CD63: variants seen among roughly 807,000 people sequenced by gnomAD.
CD63 encodes CD63 molecule, also known as CD63 antigen.
CD63 carries 16 observed loss-of-function variants against 29.2 expected under a neutral mutation model. That is an observed-to-expected ratio of 0.55 (90% CI 0.37 to 0.83). The LOEUF (loss-of-function observed/expected upper bound fraction) is 0.83, where lower values mean the gene tolerates loss of function less well. Ranked by LOEUF, CD63 falls within the 40% of genes least tolerant of loss-of-function variation. The pLI is 0.00. For synonymous variants in CD63, 118 were observed against 111.7 expected (o/e 1.06, Z -0.36); for missense variants, 251 against 297.3 (o/e 0.84, Z 1.15).
chr12:55,726,646 T>C (rs765068542), intron 5 of CD63, 54 bp downstream of exon 5: 1 of 1,395,900 alleles, frequency 7.2e-7, no homozygotes, highest in Non-Finnish European at 1.0e-6. Flanking sequence ...CACCCAGCCT[T>C]GGAGATGAGA....
downstream of CD63, chr12:55,724,353 G>C (rs749836133): frequency 1.2e-6 from 2 of 1,614,192 alleles, no homozygotes; most frequent in Admixed American, 1.7e-5. Context: ...TCATGAACCT[G>C]ATCTGTGACC....
downstream of CD63, chr12:55,724,513 G>A: frequency 1.2e-6 from 2 of 1,612,838 alleles, no homozygotes; most frequent in South Asian, 1.1e-5. Flanking sequence ...GCTCACCTGG[G>A]TCCTTCCCAA....
chr12:55,725,545 T>C lies in CD63; in HGVS notation c.*16A>G. ...ATTCCACTCCCCCAGATGAGGAGGC[T>C]GAGGAGACCAGACCCCTACATCACC... is the stretch of plus-strand genomic sequence containing the variant. On this transcript the variant is annotated 3_prime_UTR_variant, in exon 8 of 8. Coordinates refer to ENST00000257857, the MANE Select transcript of CD63 (RefSeq NM_001780.6). 1 of 1,605,642 alleles carries C rather than the reference T, an allele frequency of 6.2e-7. No individual in the cohort carries two copies. The highest frequency in any genetic ancestry group is 8.5e-7 in the Non-Finnish European group (1 of 1,172,292).
downstream of CD63, among the ~76,000 whole-genome samples, chr12:55,724,939 C>G (rs1473589447): frequency 1.3e-5 from 2 of 152,146 alleles, no homozygotes; most frequent in African/African-American, 4.8e-5. Context: ...CTTCATATTT[C>G]TTGGGGGAGA....
At chr12:55,724,077 C>T (rs1373210799), downstream of CD63, 7 of 1,600,498 alleles carry the variant, frequency 4.4e-6, no homozygotes, top group Non-Finnish European at 6.0e-6. Context: ...CACAGGGGCA[C>T]ATGAAGGGAA....
In CD63 at chr12:55,728,611, T is replaced by A; in HGVS notation, c.-11-259A>T. The A allele has an allele frequency of 2.2e-6, 3 of 1,339,486 alleles. No homozygotes were observed. The highest frequency in any genetic ancestry group is 3.1e-5 in the East Asian group (1 of 31,896). 83.0% of individuals were successfully genotyped at this position (1,339,486 alleles called of 1,614,324 possible). A position where few individuals can be genotyped will look rare whatever the true frequency, so the allele number is the denominator to read the frequency against. ...AGATCCAAGGGCGCCGGCAGGGGCT[T>A]GAGCCTGACGCCGACCCTCGGCCCG... On this transcript the variant is annotated intron_variant, in intron 1 of 7. Coordinates refer to ENST00000257857, the MANE Select transcript of CD63 (RefSeq NM_001780.6). This position sits in a 1 kb window ranked among gnomAD's most constrained non-coding sequence, Gnocchi z 4.8.
In CD63 at chr12:55,726,926, C is replaced by A. The variant is rs1877453499; in HGVS notation, c.294G>T (p.Val98=). The A allele has an allele frequency of 6.2e-7, 1 of 1,614,130 alleles. No individual in the cohort carries two copies. Among genetic ancestry groups the A allele is most frequent in the South Asian group, 1.1e-5 (1 of 91,066 alleles). Reference sequence around the variant, plus strand: ...ACACATAGCCAGCAATGGCTGCGGCCACCTCCACCAACATGATAAGAGACA... The same window carrying A: ...ACACATAGCCAGCAATGGCTGCGGCAACCTCCACCAACATGATAAGAGACA... ...IFLSLIMLVE[V]AAAIAGYVFR... Residue 98 remains valine, a synonymous_variant, in exon 4 of 8, where the codon GTG becomes GTT. Transcript: ENST00000257857.
rs747923986 is a variant in CD63, at chr12:55,725,603, G to A, written c.675C>T (p.Cys225=). 5.6e-6 allele frequency: 9 copies of A among 1,613,960 alleles called. No homozygotes were observed. Among genetic ancestry groups the A allele is most frequent in the Non-Finnish European group, 7.6e-6 (9 of 1,180,004 alleles). The change falls in exon 8 of 8, where the codon TGC becomes TGT. Residue 225 remains cysteine (C), a synonymous_variant. Coordinates refer to ENST00000257857, the MANE Select transcript of CD63 (RefSeq NM_001780.6). ...CACTTCTGATACTCTTCACGAGGCA[G>A]CAGGCAAAGACAATTCCCAAAACCT... ...FVEVLGIVFA[C]CLVKSIRSGY... is the part of the protein sequence containing the mutation.
In CD63 at chr12:55,728,348, C is replaced by T. The variant is rs746630107; in HGVS notation, c.-7G>A. 1.2e-6 allele frequency: 2 copies of T among 1,609,368 alleles called. No homozygotes were observed. Among genetic ancestry groups the T allele is most frequent in the Non-Finnish European group, 1.7e-6 (2 of 1,178,602 alleles). ...TTCCTCCTTCCACCGCCATGGCTGC[C>T]GGGCCTGGGGCAGAGGGGAGGGCGG... On this transcript the variant is annotated 5_prime_UTR_variant, in exon 2 of 8. Transcript: ENST00000257857. The surrounding 1 kb of genome is among the most constrained non-coding windows in gnomAD (Gnocchi z 4.8).
At position 55,727,256 on chromosome 12, in the gene CD63, G is replaced by A. The variant is rs764328479; in HGVS notation, c.150C>T (p.Gly50=). 2 of 1,613,770 alleles carry A rather than the reference G, an allele frequency of 1.2e-6. No homozygotes were observed. The highest frequency in any genetic ancestry group is 3.3e-5 in the Admixed American group (2 of 60,002). ...CGATGATGACCACTGGCAACAGAGA[G>A]CCAGGGGTAGCCCCCTGGATTATGG... ...SQTIIQGATP[G]SLLPVVIIAV... Residue 50 remains glycine (G), a synonymous_variant, in exon 3 of 8, where the codon GGC becomes GGT. Transcript: ENST00000257857.
chr12:55,729,059 G>A, upstream of CD63: 1 of 985,412 alleles, frequency 1.0e-6, no homozygotes, highest in Non-Finnish European at 1.2e-6. Context: ...CCCGCCCCGG[G>A]CTCCAGCCAC....
At chr12:55,727,960 C>A in intron 2 of CD63, 1 of 1,216,070 alleles carries the variant, frequency 8.2e-7, no homozygotes, top group Non-Finnish European at 1.0e-6. Context: ...GAAGGGAAGC[C>A]CCATGGCGAT....
In CD63 at chr12:55,727,174, C is replaced by T. The variant is rs1226381678; in HGVS notation, c.232G>A (p.Glu78Lys). The change falls in exon 3 of 8, where the codon GAG becomes AAG. Residue 78 changes from glutamate to lysine, a missense_variant. Physicochemically the swap from Glu to Lys is moderately conservative, Grantham distance 56 (BLOSUM62 1). Transcript: ENST00000257857. ...ACCGTGATCATAAGACAATAGTTCT[C>T]CTTGCAGGCCCCGCAGCAGCCCACA... ...AFVGCCGACKENYCLMITFAI... is the reference protein window; with the variant it reads ...AFVGCCGACKKNYCLMITFAI... 3.1e-6 allele frequency: 5 copies of T among 1,613,592 alleles called. No homozygotes were observed. Among genetic ancestry groups the T allele is most frequent in the Non-Finnish European group, 3.4e-6 (4 of 1,179,924 alleles).
chr12:55,724,456 C>G (rs747289354), downstream of CD63: 1 of 1,614,080 alleles, frequency 6.2e-7, no homozygotes, highest in Non-Finnish European at 8.5e-7. Context: ...TGCCAAGCTG[C>G]TCTGGCTGCC....
In CD63 at chr12:55,725,609, A is replaced by C; in HGVS notation, c.669T>G (p.Phe223Leu). The C allele has an allele frequency of 3.1e-6, 5 of 1,614,130 alleles. No homozygotes were observed. The highest frequency in any genetic ancestry group is 4.2e-6 in the Non-Finnish European group (5 of 1,180,004). ...IAFVEVLGIV[F>L]ACCLVKSIRS... is the part of the protein sequence containing the mutation. ...TGATACTCTTCACGAGGCAGCAGGC[A>C]AAGACAATTCCCAAAACCTAGAAGG... Residue 223 changes from phenylalanine to leucine, a missense_variant, in exon 8 of 8, where the codon TTT (phenylalanine) becomes TTG (leucine). Physicochemically the swap from Phe to Leu is conservative, Grantham distance 22 (BLOSUM62 0). Transcript: ENST00000257857.
chr12:55,729,178 C>G, upstream of CD63: 2 of 976,604 alleles, frequency 2.0e-6, no homozygotes, highest in Non-Finnish European at 2.4e-6. Context: ...CCCGCCCGGC[C>G]AGGGCCACGT....
At chr12:55,727,834 CAA>C in intron 2 of CD63, 2 of 1,041,276 alleles carry the variant, frequency 1.9e-6, no homozygotes, top group Non-Finnish European at 2.3e-6. Flanking sequence ...AGGGCAGGAG[CAA>C]ATTGAAGTGG....
chr12:55,725,985 C>A, intron 6 of CD63, 89 bp from the exon 7 acceptor site: 1 of 1,466,600 alleles, frequency 6.8e-7, no homozygotes, highest in Non-Finnish European at 9.5e-7. Flanking sequence ...CTTCCCTGCC[C>A]CTGTACCTTT....
chr12:55,729,706 A>C (rs759334843), upstream of CD63: 2 of 152,174 alleles, frequency 1.3e-5, no homozygotes, highest in Non-Finnish European at 2.9e-5. Context: ...CCCCGAAGCC[A>C]CGCTACCCAG....
Sources: allele counts gnomAD v4.1 joint callset (sites outside exome capture counted in the v4.1 genomes callset), GRCh38; gene constraint gnomAD v4.1.1; non-coding constraint Gnocchi (gnomAD v3.1); transcripts MANE v1.5; gene names NCBI Gene and HGNC (gene_info 2026-07-23, HGNC 2026-07-21).